The following TENT4B variants were observed in gnomAD, a reference collection of about 807,000 sequenced individuals.
TENT4B encodes the protein terminal nucleotidyltransferase 4B.
TENT4B carries 10 observed loss-of-function variants against 75.0 expected under a neutral mutation model. The ratio of observed to expected loss-of-function variants is 0.13; its 90% CI spans 0.08 to 0.23. The LOEUF (loss-of-function observed/expected upper bound fraction) is 0.23. TENT4B is among the 10% of genes least tolerant of loss of function. TENT4B has a pLI of 1.00. For missense variants in TENT4B, 579 were observed against 893.8 expected (o/e 0.65, Z 4.49); for synonymous variants, 350 against 357.7 (o/e 0.98, Z 0.24).
chr16:50,157,255 G>A (rs758053786), intron 1 of TENT4B, among the ~76,000 whole-genome samples: 1 of 152,150 alleles, frequency 6.6e-6, no homozygotes, highest in Non-Finnish European at 1.5e-5. Flanking sequence ...TGTCTTTTGT[G>A]TTCTCTGCTT....
At position 50,211,415 on chromosome 16, in the gene TENT4B, G is replaced by A; in HGVS notation, c.731G>A (p.Ser244Asn). The change falls in exon 2 of 12, where the codon AGT (serine) becomes AAT (asparagine). Residue 244 changes from serine (S) to asparagine (N), a missense_variant. Physicochemically the swap from Ser to Asn is conservative, Grantham distance 46. Around this residue, in one of 7 missense-constraint regions of TENT4B, gnomAD observed 18 missense variants for 23.9 expected, o/e 0.75. Transcript: ENST00000561678. ...ATGGAGGTGGTGAACAGGATCGAGA[G>A]TGTAATTAAGGAGCTCTGGCCCAGC... ...MRMEVVNRIE[S>N]VIKELWPSAD... 1 of 1,605,834 alleles carries A rather than the reference G, an allele frequency of 6.2e-7. No individual in the cohort carries two copies. The highest frequency in any genetic ancestry group is 1.3e-5 in the African/African-American group (1 of 74,266).
chr16:50,224,521 ACAGCTCACAGCT>A (rs1863386577), intron 7 of TENT4B, 124 bp from the exon 8 acceptor site: 10 of 995,554 alleles, frequency 1.0e-5, no homozygotes, highest in Non-Finnish European at 1.5e-5. Flanking sequence ...AGCTTTGGGG[ACAGCTCACAGCT>A]CAGCTTCCAG....
intron 1 of TENT4B, among the ~76,000 whole-genome samples, chr16:50,173,985 C>T (rs572391756): frequency 1.1e-4 from 17 of 151,738 alleles, no homozygotes; most frequent in African/African-American, 3.4e-4. Context: ...TGAGCCACTG[C>T]GCCTGGCTTT....
At chr16:50,155,272 G>GTGTGTGTGTGTGTGTGTGTGTGT (rs2037871396) in intron 1 of TENT4B, among the ~76,000 whole-genome samples, 2 of 135,372 alleles carry the variant, frequency 1.5e-5, no homozygotes, top group Non-Finnish European at 3.1e-5. Flanking sequence ...GGGTCTCGTG[G>GTGTGTGTGTGTGTGTGTGTGTGT]GTGTGTGTGT....
In TENT4B at chr16:50,190,376, G is replaced by A. The variant is rs1430992262; in HGVS notation, c.639-20947G>A. Among the ~76,000 whole-genome samples, 3 of 152,048 alleles carry A rather than the reference G, an allele frequency of 2.0e-5. No homozygotes were observed. In the East Asian group the frequency reaches 5.8e-4, roughly 29 times the overall value. On this transcript the variant is annotated intron_variant, in intron 1 of 11. Coordinates refer to ENST00000561678, the MANE Select transcript of TENT4B (RefSeq NM_001365324.3). Reference sequence around the variant, plus strand: ...AATTGGTACAATTCAGTGACATTAAGTACAGTCCCAGTTTAGTGCAACCAC... The same window carrying A: ...AATTGGTACAATTCAGTGACATTAAATACAGTCCCAGTTTAGTGCAACCAC...
chr16:50,212,369 C>T (rs1247012861), intron 2 of TENT4B, among the ~76,000 whole-genome samples: 1 of 152,076 alleles, frequency 6.6e-6, no homozygotes, highest in African/African-American at 2.4e-5. Context: ...GTTACTGGTA[C>T]TAAGTTAATA....
At chr16:50,163,734 T>G (rs2038044548) in intron 1 of TENT4B, among the ~76,000 whole-genome samples, 1 of 151,922 alleles carries the variant, frequency 6.6e-6, no homozygotes. Context: ...ATGTAAATAT[T>G]TTTTGACTTT....
intron 5 of TENT4B, among the ~76,000 whole-genome samples, chr16:50,218,477 G>A (rs1214934926): frequency 2.0e-5 from 3 of 151,912 alleles, no homozygotes; most frequent in South Asian, 2.1e-4. Flanking sequence ...CCTGGGACTC[G>A]TGCCTGGGAC....
At chr16:50,160,566 A>C (rs558404674) in intron 1 of TENT4B, among the ~76,000 whole-genome samples, 75 of 152,316 alleles carry the variant, frequency 4.9e-4, no homozygotes, top group African/African-American at 1.8e-3. Context: ...CTGCCAACAA[A>C]TCATAGTGTT....
chr16:50,233,196 T>C lies in TENT4B; in HGVS notation c.*3868T>C. On this transcript the variant is annotated 3_prime_UTR_variant, in exon 12 of 12. Transcript: ENST00000561678. The stretch of plus-strand genomic sequence containing the variant: ...TTCATCTAGTAAAATATTTAGAGAA[T>C]GATGTTAACATTCCAGCATTAAAGT... 3 of 984,980 alleles carry C rather than the reference T, an allele frequency of 3.0e-6. No individual in the cohort carries two copies. The highest frequency in any genetic ancestry group is 3.6e-6 in the Non-Finnish European group (3 of 829,500). The allele number at this position is 984,980 out of a possible 1,614,324, so 61.0% of individuals were successfully genotyped here.
At position 50,214,286 on chromosome 16, in the gene TENT4B, C is replaced by G; in HGVS notation, c.809+19C>G. The G allele has an allele frequency of 6.4e-7, 1 of 1,555,260 alleles. No homozygotes were observed. Among genetic ancestry groups the G allele is most frequent in the Admixed American group, 1.8e-5 (1 of 55,892 alleles). On this transcript the variant is annotated intron_variant, in intron 3 of 11. Coordinates refer to ENST00000561678, the MANE Select transcript of TENT4B (RefSeq NM_001365324.3). ...CTACTAGGTTAGTACACTCATGAAT[C>G]TTTCAAAGGACTTTTCTTAGAGTGT...
intron 1 of TENT4B, among the ~76,000 whole-genome samples, chr16:50,187,568 G>GC (rs1464762063): frequency 1.3e-5 from 2 of 152,214 alleles, no homozygotes; most frequent in African/African-American, 4.8e-5. Context: ...GGGCGACAGA[G>GC]CGAGACTCCA....
intron 1 of TENT4B, among the ~76,000 whole-genome samples, chr16:50,186,957 C>T (rs2038540244): frequency 6.6e-6 from 1 of 151,786 alleles, no homozygotes; most frequent in Non-Finnish European, 1.5e-5. Flanking sequence ...GATAAGGTCT[C>T]ACTTTGTTGC....
intron 1 of TENT4B, among the ~76,000 whole-genome samples, chr16:50,205,558 C>CTTTTTTTTTTTTTTTT (rs535651074): frequency 2.3e-5 from 1 of 43,966 alleles, no homozygotes; most frequent in African/African-American, 9.1e-5. Flanking sequence ...GTTTACATGT[C>CTTTTTTTTTTTTTTTT]TTTTTTTTTT....
chr16:50,225,350 A>G (rs1486279153), intron 10 of TENT4B, 65 bp downstream of exon 10: 1 of 1,435,718 alleles, frequency 7.0e-7, no homozygotes, highest in Non-Finnish European at 9.5e-7. Context: ...TGGGGTTAAC[A>G]CTGTCTCGAA....
At chr16:50,163,691 G>A (rs999515392) in intron 1 of TENT4B, among the ~76,000 whole-genome samples, 2 of 150,870 alleles carry the variant, frequency 1.3e-5, no homozygotes, top group Non-Finnish European at 2.9e-5. Context: ...GAGCCACCGC[G>A]CCCGGCCTGA....
intron 1 of TENT4B, among the ~76,000 whole-genome samples, chr16:50,172,973 C>T (rs887323761): frequency 1.2e-4 from 18 of 152,032 alleles, no homozygotes; most frequent in African/African-American, 3.6e-4. Flanking sequence ...GATGGAGTCT[C>T]GCTCTCGCCC....
Position 50,230,419 on chromosome 16 carries a change from C to G in TENT4B, c.*1091C>G. 1.0e-6 allele frequency: 1 copy of G among 985,524 alleles called. No homozygotes were observed. The highest frequency in any genetic ancestry group is 1.2e-6 in the Non-Finnish European group (1 of 829,872). 61.0% of individuals were successfully genotyped at this position (985,524 alleles called of 1,614,324 possible). On this transcript the variant is annotated 3_prime_UTR_variant, in exon 12 of 12. Transcript: ENST00000561678. ...CCCTGTGTGCTGCGTGTGCCTGTTTCTCATCTCTTATTCTTTTTAAAATTC... is the reference window on the plus strand; with the variant it reads ...CCCTGTGTGCTGCGTGTGCCTGTTTGTCATCTCTTATTCTTTTTAAAATTC...
chr16:50,201,701 G>T (rs1002303935), intron 1 of TENT4B, among the ~76,000 whole-genome samples: 2 of 151,978 alleles, frequency 1.3e-5, no homozygotes, highest in Non-Finnish European at 2.9e-5. Context: ...AAATTAGCTG[G>T]ATGTGGTAGT....
Sources: allele counts gnomAD v4.1 joint callset (sites outside exome capture counted in the v4.1 genomes callset), GRCh38; gene constraint gnomAD v4.1.1; regional missense constraint gnomAD v4.1.1; transcripts MANE v1.5; gene names NCBI Gene and HGNC (gene_info 2026-07-23, HGNC 2026-07-21).